ZNF704: variants seen among roughly 807,000 people sequenced by gnomAD.
The protein encoded by ZNF704 is zinc finger protein 704.
A neutral mutation model predicts 44.7 loss-of-function variants in ZNF704; 10 were observed. That is an observed-to-expected ratio of 0.22 (90% CI 0.14 to 0.38). The LOEUF is 0.38. Ranked by LOEUF, ZNF704 falls within the 10% of genes least tolerant of loss-of-function variation. The pLI, the probability that ZNF704 is intolerant of heterozygous loss-of-function variation, is 1.00. For missense variants in ZNF704, 390 were observed against 545.5 expected (o/e 0.71, Z 2.84); for synonymous variants, 211 against 207.6 (o/e 1.02, Z -0.14).
At chr8:80,880,084 T>TTC in the ZNF704 span, among the ~76,000 whole-genome samples, 9 of 152,022 alleles carry the variant, frequency 5.9e-5, no homozygotes, top group African/African-American at 1.7e-4. Context: ...CTCTCCTTCT[T>TTC]TCTCTCTCTC....
chr8:80,691,032 G>C (rs1818624727), intron 3 of ZNF704, among the ~76,000 whole-genome samples: 1 of 151,840 alleles, frequency 6.6e-6, no homozygotes, highest in Non-Finnish European at 1.5e-5. Flanking sequence ...AAAAAAAGAG[G>C]AAGTGTTATC....
intron 1 of ZNF704, among the ~76,000 whole-genome samples, chr8:80,834,077 C>A (rs745447872): frequency 6.6e-5 from 10 of 152,006 alleles, no homozygotes; most frequent in Admixed American, 1.3e-4. Flanking sequence ...GCCTGTGGTC[C>A]CAGCTACTCG....
intron 2 of ZNF704, among the ~76,000 whole-genome samples, chr8:80,720,868 G>A (rs1223749145): frequency 6.6e-6 from 1 of 152,212 alleles, no homozygotes; most frequent in Non-Finnish European, 1.5e-5. Context: ...CACCCAGGGA[G>A]CTCATGAAGT....
Position 80,629,025 on chromosome 8 carries a change from G to C in ZNF704, c.*12341C>G, listed in dbSNP as rs1392944216. The C allele has an allele frequency of 6.6e-6, 1 of 151,176 alleles. No individual in the cohort carries two copies. The highest frequency in any genetic ancestry group is 1.5e-5 in the Non-Finnish European group (1 of 67,980). 9.4% of individuals were successfully genotyped at this position (151,176 alleles called of 1,614,324 possible). A position where few individuals can be genotyped will look rare whatever the true frequency, so the allele number is the denominator to read the frequency against. On this transcript the variant is annotated 3_prime_UTR_variant, in exon 9 of 9. Coordinates refer to ENST00000327835, the MANE Select transcript of ZNF704 (RefSeq NM_001033723.3). Reference sequence around the variant, plus strand: ...CAGTGTATTTAAAAATATTTTTCCTGGTGTTAAATATTTAGGAAACATTTT... The same window carrying C: ...CAGTGTATTTAAAAATATTTTTCCTCGTGTTAAATATTTAGGAAACATTTT...
intron 2 of ZNF704, among the ~76,000 whole-genome samples, chr8:80,751,872 C>T (rs1171880035): frequency 3.3e-5 from 5 of 152,198 alleles, no homozygotes; most frequent in Admixed American, 1.3e-4. Context: ...TCCCAAGTAG[C>T]TGGGATTACA....
intron 1 of ZNF704, among the ~76,000 whole-genome samples, chr8:80,827,156 C>G (rs145814734): frequency 0.023 from 3,479 of 152,154 alleles, 90 homozygotes; most frequent in Non-Finnish European, 0.029. Context: ...CAGATGACAT[C>G]ATTGTATATT....
chr8:80,650,332 T>C (rs1302478081), intron 7 of ZNF704, among the ~76,000 whole-genome samples: 1 of 152,100 alleles, frequency 6.6e-6, no homozygotes, highest in Non-Finnish European at 1.5e-5. Context: ...CTTTGACAAG[T>C]TGAGAGAAGA....
chr8:80,781,375 TAAAC>T (rs148348781), intron 2 of ZNF704, among the ~76,000 whole-genome samples: 27 of 152,328 alleles, frequency 1.8e-4, no homozygotes, highest in East Asian at 7.7e-4. Context: ...TGACAATACA[TAAAC>T]AAATAAGCAT....
chr8:80,841,314 G>A (rs1808674652), intron 1 of ZNF704, among the ~76,000 whole-genome samples: 1 of 152,162 alleles, frequency 6.6e-6, no homozygotes, highest in Non-Finnish European at 1.5e-5. Flanking sequence ...TTAGGCCACA[G>A]CAGCACAGGA....
chr8:80,800,863 T>C (rs933597836), intron 2 of ZNF704, among the ~76,000 whole-genome samples: 1 of 151,984 alleles, frequency 6.6e-6, no homozygotes, highest in Non-Finnish European at 1.5e-5. Context: ...AGACACAGAA[T>C]GGCAAGCTAG....
At chr8:80,833,661 C>A (rs777813036) in intron 1 of ZNF704, among the ~76,000 whole-genome samples, 7 of 152,138 alleles carry the variant, frequency 4.6e-5, no homozygotes, top group Non-Finnish European at 8.8e-5. Context: ...TAAGTACATA[C>A]ATTATTTTTC....
chr8:80,729,402 G>A (rs111897958), intron 2 of ZNF704, among the ~76,000 whole-genome samples: 6,986 of 152,134 alleles, frequency 0.046, 233 homozygotes, highest in Middle Eastern at 0.11. Context: ...TCATAGTGTC[G>A]TGAGGTGCCA....
chr8:80,660,598 C>T (rs1818087482), intron 6 of ZNF704, among the ~76,000 whole-genome samples: 1 of 151,768 alleles, frequency 6.6e-6, no homozygotes, highest in Non-Finnish European at 1.5e-5. Context: ...GACACATATA[C>T]CAATGGAGCA....
chr8:80,648,207 C>T (rs1817862419), intron 7 of ZNF704, among the ~76,000 whole-genome samples: 1 of 152,182 alleles, frequency 6.6e-6, no homozygotes, highest in Non-Finnish European at 1.5e-5. Flanking sequence ...ATATTTCCAA[C>T]ACATGAACTT....
chr8:80,690,338 C>T (rs1460420591), intron 3 of ZNF704, among the ~76,000 whole-genome samples: 2 of 152,134 alleles, frequency 1.3e-5, no homozygotes, highest in African/African-American at 2.4e-5. Flanking sequence ...ATAATGATTA[C>T]TTTAAAATAC....
intron 1 of ZNF704, among the ~76,000 whole-genome samples, chr8:80,846,074 T>C (rs1052876416): frequency 3.9e-5 from 6 of 152,198 alleles, no homozygotes; most frequent in Non-Finnish European, 8.8e-5. Flanking sequence ...ATCACTCAAC[T>C]ATCTTGGATT....
Position 80,630,086 on chromosome 8 carries a change from C to G in ZNF704, c.*11280G>C, listed in dbSNP as rs1424223055. 1 of 152,092 alleles carries G rather than the reference C, an allele frequency of 6.6e-6. No individual in the cohort carries two copies. The highest frequency in any genetic ancestry group is 2.4e-5 in the African/African-American group (1 of 41,394). 9.4% of individuals were successfully genotyped at this position (152,092 alleles called of 1,614,324 possible). A position where few individuals can be genotyped will look rare whatever the true frequency, so the allele number is the denominator to read the frequency against. On this transcript the variant is annotated 3_prime_UTR_variant, in exon 9 of 9. Transcript: ENST00000327835. ...CCATATCCCCATAAGGATATGTATC[C>G]AAGTTTATTTTGAATAATTTGCAGT...
intron 1 of ZNF704, among the ~76,000 whole-genome samples, chr8:80,835,579 C>G (rs1403815520): frequency 6.6e-6 from 1 of 152,172 alleles, no homozygotes; most frequent in Non-Finnish European, 1.5e-5. Flanking sequence ...GCACTTCACA[C>G]AAGATAGGGT....
chr8:80,791,067 A>G (rs1586029792), intron 2 of ZNF704, among the ~76,000 whole-genome samples: 2 of 152,140 alleles, frequency 1.3e-5, no homozygotes, highest in African/African-American at 4.8e-5. Context: ...ATCCTGCTGA[A>G]TTGATGTGGA....
Sources: gnomAD v4.1 joint callset for allele counts (sites outside exome capture counted in the v4.1 genomes callset) on GRCh38, gnomAD v4.1.1 for gene constraint, MANE v1.5 for transcripts, NCBI Gene and HGNC (gene_info 2026-07-23, HGNC 2026-07-21) for gene names.